SEC14L1: variants seen among roughly 807,000 people sequenced by gnomAD.
The protein encoded by SEC14L1 is SEC14 like lipid binding 1.
SEC14L1 carries 48 observed loss-of-function variants against 85.3 expected under a neutral mutation model. The ratio of observed to expected loss-of-function variants is 0.56; its 90% CI spans 0.45 to 0.72. The LOEUF is 0.72. SEC14L1 is among the 30% of genes least tolerant of loss of function. The pLI, the probability that SEC14L1 is intolerant of heterozygous loss-of-function variation, is 0.00. For missense variants in SEC14L1, 682 were observed against 921.4 expected (o/e 0.74, Z 3.36); for synonymous variants, 391 against 355.5 (o/e 1.10, Z -1.12).
rs141772165 is a variant in SEC14L1, at chr17:77,166,189, C to T, written c.63+22530C>T. On this transcript the variant is annotated intron_variant, in intron 3 of 16. Coordinates refer to ENST00000436233, the MANE Select transcript of SEC14L1 (RefSeq NM_001143998.2). ...CTCCTGGGCTCAAGTGATCCTCCCA[C>T]CTTGGCCTCTCAAATTGCTGGGATT... Among the ~76,000 whole-genome samples the T allele has an allele frequency of 6.6e-5, 10 of 152,334 alleles. No individual in the cohort carries two copies. In the East Asian group the frequency reaches 1.9e-3, roughly 29 times the overall value.
Position 77,216,808 on chromosome 17 carries a change from A to G in SEC14L1, c.*2785A>G. The G allele has an allele frequency of 1.6e-6, 1 of 611,230 alleles. No homozygotes were observed. The highest frequency in any genetic ancestry group is 1.8e-5 in the African/African-American group (1 of 54,144). 37.9% of individuals were successfully genotyped at this position (611,230 alleles called of 1,614,324 possible). On this transcript the variant is annotated 3_prime_UTR_variant, in exon 17 of 17. Transcript: ENST00000436233. Reference sequence around the variant, plus strand: ...GTAATCCAATCTCACTCCCCTTGTAAGGGAATTCTGGGGCAGCTATGGTTT... The same window carrying G: ...GTAATCCAATCTCACTCCCCTTGTAGGGGAATTCTGGGGCAGCTATGGTTT...
At chr17:77,104,496 A>G (rs989801480) in intron 3 of SEC14L1, among the ~76,000 whole-genome samples, 5 of 148,778 alleles carry the variant, frequency 3.4e-5, no homozygotes, top group African/African-American at 1.2e-4. Flanking sequence ...TTAATTTAGA[A>G]AGTTTATGTT....
At chr17:77,160,100 C>G (rs1973995774) in intron 3 of SEC14L1, among the ~76,000 whole-genome samples, 1 of 152,160 alleles carries the variant, frequency 6.6e-6, no homozygotes. Flanking sequence ...CAGTATTTTC[C>G]TGATGGATTA....
intron 9 of SEC14L1, 84 bp from the exon 10 acceptor site, chr17:77,203,486 A>G (rs935623883): frequency 2.5e-6 from 3 of 1,200,974 alleles, no homozygotes; most frequent in African/African-American, 3.1e-5. Flanking sequence ...AGGCGAACAC[A>G]TATTCCTGTT....
intron 9 of SEC14L1, 145 bp downstream of exon 9, chr17:77,200,818 A>G (rs1976099982): frequency 1.3e-6 from 1 of 770,954 alleles, no homozygotes; most frequent in Non-Finnish European, 2.1e-6. Flanking sequence ...CACCTTTCCC[A>G]AGTTGAACAG....
chr17:77,216,043 T>C lies in SEC14L1; in HGVS notation c.*2020T>C, dbSNP rs1482177108. 3.6e-5 allele frequency: 34 copies of C among 950,678 alleles called. No homozygotes were observed. In the East Asian group the frequency reaches 6.7e-4, roughly 19 times the overall value. 58.9% of individuals were successfully genotyped at this position (950,678 alleles called of 1,614,324 possible). A position where few individuals can be genotyped will look rare whatever the true frequency, so the allele number is the denominator to read the frequency against. On this transcript the variant is annotated 3_prime_UTR_variant, in exon 17 of 17. Transcript: ENST00000436233. ...TCGTAGGTAGGGCTAGTAGGTAGGG[T>C]TAGTAGGTAGGGCTAGTAGGTAGGG...
At chr17:77,184,046 A>C (rs929012683) in intron 3 of SEC14L1, among the ~76,000 whole-genome samples, 4 of 152,070 alleles carry the variant, frequency 2.6e-5, no homozygotes, top group African/African-American at 9.7e-5. Context: ...TTGACCTCCC[A>C]AAGTGCTGGG....
upstream of SEC14L1, among the ~76,000 whole-genome samples, chr17:77,138,980 T>A (rs968819053): frequency 2.6e-5 from 4 of 152,224 alleles, no homozygotes; most frequent in Non-Finnish European, 4.4e-5. Flanking sequence ...TTTTAATCTA[T>A]AGATTGACCA....
Position 77,190,893 on chromosome 17 carries a change from A to G in SEC14L1, c.154A>G (p.Ile52Val), listed in dbSNP as rs1049418. The G allele has an allele frequency of 9.3e-6, 15 of 1,614,098 alleles. No homozygotes were observed. The highest frequency in any genetic ancestry group is 1.2e-5 in the Non-Finnish European group (14 of 1,180,030). Residue 52 changes from isoleucine to valine, a missense_variant, in exon 4 of 17, where the codon ATT (isoleucine) becomes GTT (valine). Physicochemically the swap from Ile to Val is conservative, Grantham distance 29 (BLOSUM62 3). Transcript: ENST00000436233. The part of the protein sequence containing the change: ...VNEFKSEDGA[I>V]HVIERRCKLD... ...TGAATTCAAGAGCGAAGATGGGGCT[A>G]TTCATGTCATTGAAAGGCGCTGCAA...
chr17:77,167,870 G>A (rs1974353869), intron 3 of SEC14L1, among the ~76,000 whole-genome samples: 1 of 152,200 alleles, frequency 6.6e-6, no homozygotes, highest in South Asian at 2.1e-4. Flanking sequence ...AACCAGTATT[G>A]AGACAAATTA....
intron 1 of SEC14L1, among the ~76,000 whole-genome samples, chr17:77,142,428 C>T (rs997914652): frequency 2.0e-5 from 3 of 151,682 alleles, no homozygotes; most frequent in African/African-American, 4.8e-5. Context: ...TATGGTGGTG[C>T]GTGCCTGTGG....
intron 3 of SEC14L1, chr17:77,144,567 G>T (rs1408318890): frequency 6.6e-6 from 1 of 152,188 alleles, no homozygotes; most frequent in Non-Finnish European, 1.5e-5. Flanking sequence ...AAAACAAGAA[G>T]TCCTCTTACG....
intron 13 of SEC14L1, among the ~76,000 whole-genome samples, chr17:77,208,264 TA>T (rs1048030098): frequency 1.3e-5 from 2 of 152,186 alleles, no homozygotes; most frequent in African/African-American, 4.8e-5. Flanking sequence ...TAAGTTACAG[TA>T]AAGGTTATAG....
At chr17:77,164,951 C>T (rs1208777156) in intron 3 of SEC14L1, among the ~76,000 whole-genome samples, 1 of 152,214 alleles carries the variant, frequency 6.6e-6, no homozygotes, top group South Asian at 2.1e-4. Context: ...GACATGAATT[C>T]TTTCTCTTCC....
At chr17:77,143,421 T>C (rs536484603) in intron 2 of SEC14L1, 146 bp from the exon 3 acceptor site, 108 of 553,436 alleles carry the variant, frequency 2.0e-4, no homozygotes, top group Non-Finnish European at 8.3e-5. Context: ...TATTTAAATA[T>C]CATCTTTTCA....
chr17:77,194,551 CAA>C (rs548412137), intron 6 of SEC14L1, 124 bp from the exon 7 acceptor site: 2,117 of 573,370 alleles, frequency 3.7e-3, no homozygotes, highest in Middle Eastern at 5.4e-3. Flanking sequence ...GACCCTGTCT[CAA>C]AAAAAAAAAA....
In SEC14L1 at chr17:77,215,020, T is replaced by G; in HGVS notation, c.*997T>G. ...CCACTTCAGGGTGGCGTGTGGCATG[T>G]AGGAGTCCTGCTTCTTTGTACATGG... On this transcript the variant is annotated 3_prime_UTR_variant, in exon 17 of 17. Transcript: ENST00000436233. The G allele has an allele frequency of 1.0e-6, 1 of 985,584 alleles. No homozygotes were observed. Among genetic ancestry groups the G allele is most frequent in the Non-Finnish European group, 1.2e-6 (1 of 830,100 alleles). 61.1% of individuals were successfully genotyped at this position (985,584 alleles called of 1,614,324 possible). A position where few individuals can be genotyped will look rare whatever the true frequency, so the allele number is the denominator to read the frequency against.
At chr17:77,108,742 A>T (rs1971978225) in intron 3 of SEC14L1, among the ~76,000 whole-genome samples, 1 of 151,416 alleles carries the variant, frequency 6.6e-6, no homozygotes, top group South Asian at 2.1e-4. Context: ...CTGTCTCAAA[A>T]AAAAAGAAAC....
intron 3 of SEC14L1, chr17:77,130,322 T>A (rs1418361419): frequency 1.3e-5 from 2 of 152,082 alleles, no homozygotes. Flanking sequence ...AATTTTTATT[T>A]ATTTATTTAT....
Sources: gnomAD v4.1 joint callset for allele counts (sites outside exome capture counted in the v4.1 genomes callset) on GRCh38, gnomAD v4.1.1 for gene constraint, MANE v1.5 for transcripts, NCBI Gene and HGNC (gene_info 2026-07-23, HGNC 2026-07-21) for gene names.